The following CAPSL variants were observed in gnomAD, a reference collection of about 807,000 sequenced individuals.
CAPSL encodes the protein calcyphosin-like protein.
CAPSL carries 17 observed loss-of-function variants against 21.3 expected under a neutral mutation model. That is an observed-to-expected ratio of 0.80 (90% CI 0.55 to 1.20). The LOEUF is 1.20. CAPSL is among the 50% of genes most tolerant of loss of function. CAPSL has a pLI of 0.00. For missense variants in CAPSL, 289 were observed against 259.3 expected, an observed-to-expected ratio of 1.11 and a Z score of -0.79; for synonymous variants, 102 against 89.3, an observed-to-expected ratio of 1.14 and a Z score of -0.80.
At chr5:35,905,458 G>A in intron 4 of CAPSL, among the ~76,000 whole-genome samples, 1 of 152,126 alleles carries the variant, frequency 6.6e-6, no homozygotes, top group Non-Finnish European at 1.5e-5. Context: ...GAAATTATAA[G>A]TGACCAGAAA....
Position 35,910,424 on chromosome 5 carries a change from C to G in CAPSL, c.257G>C (p.Arg86Thr). ...TGTTCCATTTCCATCTTTATCAAAC[C>G]TCCGGAAAAGTTCTTCCACCTCTTC... Reference protein sequence around the residue: ...EKEEVEELFRRFDKDGNGTID... With the variant: ...EKEEVEELFRTFDKDGNGTID... Residue 86 changes from arginine to threonine, a missense_variant, in exon 3 of 5, where the codon AGG (arginine) becomes ACG (threonine). Transcript: ENST00000651391. 1 of 1,613,878 alleles carries G rather than the reference C, an allele frequency of 6.2e-7. No homozygotes were observed. Among genetic ancestry groups the G allele is most frequent in the Non-Finnish European group, 8.5e-7 (1 of 1,179,856 alleles).
chr5:35,920,127 A>G (rs897685355), intron 2 of CAPSL, among the ~76,000 whole-genome samples: 2 of 152,106 alleles, frequency 1.3e-5, no homozygotes, highest in African/African-American at 4.8e-5. Flanking sequence ...GACTGTTCAG[A>G]GTTTTCTCCC....
intron 2 of CAPSL, among the ~76,000 whole-genome samples, chr5:35,919,581 C>T (rs1738483231): frequency 6.6e-6 from 1 of 152,076 alleles, no homozygotes; most frequent in African/African-American, 2.4e-5. Context: ...AAGAGATGCC[C>T]TTCTAAGACA....
intron 2 of CAPSL, among the ~76,000 whole-genome samples, chr5:35,915,179 A>T (rs1293754185): frequency 6.6e-6 from 1 of 152,228 alleles, no homozygotes; most frequent in East Asian, 1.9e-4. Context: ...GAATCTCTGA[A>T]TAGACCAATA....
chr5:35,905,023 A>T (rs577752855), intron 4 of CAPSL, among the ~76,000 whole-genome samples: 2 of 152,182 alleles, frequency 1.3e-5, no homozygotes, highest in Non-Finnish European at 2.9e-5. Flanking sequence ...ACAACATGTC[A>T]TGTCCTTGTG....
rs534464365 is a variant in CAPSL at position 35,924,784 on chromosome 5, T to A, written c.1-3664A>T. On this transcript the variant is annotated intron_variant, in intron 1 of 4. Coordinates refer to ENST00000651391, the MANE Select transcript of CAPSL (RefSeq NM_001042625.2). ...GTCTTCATTAGTTTGAATCCTGATC[T>A]CCTGTATTTAAGCAGAAGGGAAAAG... is the stretch of plus-strand genomic sequence containing the variant. Among the ~76,000 whole-genome samples the A allele has an allele frequency of 3.9e-5, 6 of 152,216 alleles. No homozygotes were observed. In the South Asian group the frequency reaches 1.2e-3, roughly 32 times the overall value.
At chr5:35,905,807 C>T (rs1189397073) in intron 4 of CAPSL, among the ~76,000 whole-genome samples, 1 of 152,216 alleles carries the variant, frequency 6.6e-6, no homozygotes, top group Non-Finnish European at 1.5e-5. Context: ...TGTGGGTCCA[C>T]ACCACCTGCA....
At position 35,915,886 on chromosome 5, in the gene CAPSL, C is replaced by T. The variant is rs188728438; in HGVS notation, c.137+5098G>A. Reference sequence around the variant, plus strand: ...AGAGCAATCAGACAGGAGCAGGAAACAAATGGTATTCAATTAGGAAAAGAG... The same window carrying T: ...AGAGCAATCAGACAGGAGCAGGAAATAAATGGTATTCAATTAGGAAAAGAG... On this transcript the variant is annotated intron_variant, in intron 2 of 4. Transcript: ENST00000651391. Among the ~76,000 whole-genome samples the T allele has an allele frequency of 4.5e-3, 692 of 152,204 alleles. 30 individuals carry two copies. The highest frequency in any genetic ancestry group is 0.042 in the Admixed American group (637 of 15,288).
At chr5:35,905,115 C>T (rs1047714839) in intron 4 of CAPSL, among the ~76,000 whole-genome samples, 4 of 152,202 alleles carry the variant, frequency 2.6e-5, no homozygotes, top group Admixed American at 1.3e-4. Flanking sequence ...TAAACGCTCC[C>T]GGGTTGCATG....
intron 1 of CAPSL, among the ~76,000 whole-genome samples, chr5:35,928,456 A>T (rs1381911926): frequency 6.6e-6 from 1 of 152,290 alleles, no homozygotes; most frequent in Non-Finnish European, 1.5e-5. Flanking sequence ...AGCCTCAGAT[A>T]AGAGTGTGTG....
chr5:35,910,108 A>T (rs1264246520), intron 3 of CAPSL, 33 bp from the exon 4 acceptor site: 3 of 1,535,616 alleles, frequency 2.0e-6, no homozygotes, highest in Non-Finnish European at 2.6e-6. Flanking sequence ...ACAGAGACAT[A>T]CATAAGCAAA....
intron 4 of CAPSL, among the ~76,000 whole-genome samples, chr5:35,907,820 T>C (rs1406885567): frequency 6.6e-6 from 1 of 152,222 alleles, no homozygotes; most frequent in Non-Finnish European, 1.5e-5. Flanking sequence ...CCACAAGCAA[T>C]CTTAATATGC....
intron 2 of CAPSL, among the ~76,000 whole-genome samples, chr5:35,917,431 G>C (rs542443928): frequency 6.6e-6 from 1 of 152,228 alleles, no homozygotes; most frequent in Admixed American, 6.5e-5. Context: ...GTTTATTGTG[G>C]CACTATTCAC....
intron 4 of CAPSL, among the ~76,000 whole-genome samples, chr5:35,907,683 A>G (rs1760710215): frequency 6.6e-6 from 1 of 152,194 alleles, no homozygotes; most frequent in African/African-American, 2.4e-5. Context: ...AACCTAGATT[A>G]TCAAGTTTGA....
intron 2 of CAPSL, among the ~76,000 whole-genome samples, chr5:35,913,692 A>G (rs1261875776): frequency 2.0e-5 from 3 of 152,232 alleles, no homozygotes; most frequent in Non-Finnish European, 4.4e-5. Context: ...CTGCCCTAAA[A>G]GAGCTCCTGA....
At chr5:35,913,620 G>A (rs1738291561) in intron 2 of CAPSL, among the ~76,000 whole-genome samples, 1 of 152,100 alleles carries the variant, frequency 6.6e-6, no homozygotes, top group Admixed American at 6.5e-5. Flanking sequence ...CTTCATAAGT[G>A]AAGGAGAAAT....
In CAPSL at chr5:35,904,612, C is replaced by T; in HGVS notation, c.560G>A (p.Gly187Asp). The change falls in exon 5 of 5, where the codon GGT becomes GAT. Residue 187 changes from glycine (G) to aspartate (D), a missense_variant. Transcript: ENST00000651391. ...TPEEFMNYYA[G>D]VSASIDTDVY... The stretch of plus-strand genomic sequence containing the variant: ...ATCAGTGTCAATGGATGCGCTCACA[C>T]CTGCATAGTAGTTCATGAACTCCTC... 1.1e-5 allele frequency: 18 copies of T among 1,613,770 alleles called. No homozygotes were observed. Among genetic ancestry groups the T allele is most frequent in the Non-Finnish European group, 1.5e-5 (18 of 1,179,982 alleles).
chr5:35,937,176 T>C (rs1267422716), intron 1 of CAPSL, among the ~76,000 whole-genome samples: 1 of 152,234 alleles, frequency 6.6e-6, no homozygotes, highest in African/African-American at 2.4e-5. Context: ...GTTGGTTTCC[T>C]GCCCCTAGCT....
intron 2 of CAPSL, among the ~76,000 whole-genome samples, chr5:35,919,034 T>G (rs1191049248): frequency 6.6e-6 from 1 of 151,676 alleles, no homozygotes; most frequent in Non-Finnish European, 1.5e-5. Flanking sequence ...GTTAAAACCG[T>G]AGGGGCTGCA....
Sources: gnomAD v4.1 joint callset for allele counts (sites outside exome capture counted in the v4.1 genomes callset) on GRCh38, gnomAD v4.1.1 for gene constraint, MANE v1.5 for transcripts, NCBI Gene and HGNC (gene_info 2026-07-23, HGNC 2026-07-21) for gene names.